GET1: variants seen among roughly 807,000 people sequenced by gnomAD.
GET1 encodes congenital heart disease 5 protein.
GET1 carries 20 observed loss-of-function variants against 22.6 expected under a neutral mutation model. That is an observed-to-expected ratio of 0.89 (90% CI 0.62 to 1.29). The LOEUF (loss-of-function observed/expected upper bound fraction) is 1.29. GET1 is among the 50% of genes most tolerant of loss of function. GET1 has a pLI of 0.00. For synonymous variants in GET1, 92 were observed against 83.8 expected, an observed-to-expected ratio of 1.10 and a Z score of -0.53; for missense variants, 209 against 219.9, an observed-to-expected ratio of 0.95 and a Z score of 0.31.
chr21:39,426,345 C>T (rs979958914), intron 1 of GET1, among the ~76,000 whole-genome samples: 47 of 152,096 alleles, frequency 3.1e-4, no homozygotes, highest in African/African-American at 1.1e-3. Flanking sequence ...ACTTAGAATT[C>T]GAAATGCAAT....
intron 1 of GET1, among the ~76,000 whole-genome samples, chr21:39,382,704 A>G (rs937041801): frequency 5.3e-5 from 8 of 152,218 alleles, no homozygotes; most frequent in African/African-American, 1.9e-4. Flanking sequence ...ACTATTGTAG[A>G]TAATGCTAAA....
intron 1 of GET1, among the ~76,000 whole-genome samples, chr21:39,421,274 G>C (rs1408696452): frequency 1.3e-5 from 2 of 151,998 alleles, no homozygotes; most frequent in Admixed American, 6.6e-5. Flanking sequence ...GATAATTTTT[G>C]TATTTTTAGT....
chr21:39,397,128 T>A lies in GET1; in HGVS notation c.*189T>A, dbSNP rs1026759129. ...AATCACGATTTTCTACACCTGTCAT[T>A]GAGCCAAGAAAGTCCAGTTTATGAC... On this transcript the variant is annotated 3_prime_UTR_variant, in exon 5 of 5. Coordinates refer to ENST00000649170, the MANE Select transcript of GET1 (RefSeq NM_004627.6). 4 of 633,200 alleles carry A rather than the reference T, an allele frequency of 6.3e-6. No homozygotes were observed. The highest frequency in any genetic ancestry group is 1.8e-5 in the African/African-American group (1 of 54,334). 39.2% of individuals were successfully genotyped at this position (633,200 alleles called of 1,614,324 possible). A position where few individuals can be genotyped will look rare whatever the true frequency, so the allele number is the denominator to read the frequency against.
downstream of GET1, among the ~76,000 whole-genome samples, chr21:39,401,487 G>A (rs1191453589): frequency 3.3e-5 from 5 of 152,096 alleles, no homozygotes; most frequent in Admixed American, 1.3e-4. Flanking sequence ...GAACCTTTGC[G>A]ATCCCCACTG....
intron 2 of GET1, chr21:39,391,482 TG>T (rs2038293022): frequency 2.8e-6 from 1 of 363,210 alleles, no homozygotes; most frequent in Non-Finnish European, 5.1e-6. Context: ...TGTTGGTAAG[TG>T]GTAACTGTAT....
chr21:39,387,739 C>T, intron 1 of GET1: 2 of 982,942 alleles, frequency 2.0e-6, no homozygotes, highest in Non-Finnish European at 2.4e-6. Flanking sequence ...TAGGCGGCAT[C>T]ACTGGGCGGG....
chr21:39,425,561 T>C (rs957635205), intron 1 of GET1, among the ~76,000 whole-genome samples: 1 of 152,164 alleles, frequency 6.6e-6, no homozygotes, highest in Non-Finnish European at 1.5e-5. Flanking sequence ...CTCTAGGACA[T>C]CTACTAGAAG....
At chr21:39,410,439 A>G, downstream of GET1, 1 of 787,044 alleles carries the variant, frequency 1.3e-6, no homozygotes, top group Non-Finnish European at 2.1e-6. Flanking sequence ...TAAACATAAA[A>G]TAACTTTTAT....
Position 39,390,727 on chromosome 21 carries a change from G to A in GET1, c.132G>A (p.Glu44=). Residue 44 remains glutamate (E), a synonymous_variant, in exon 2 of 5, where the codon GAG becomes GAA. Transcript: ENST00000649170. ...CCAGGGTGCTGCAGAAGGACGCGGA[G>A]CAGGAGTCACAGATGAGAGCGGAGA... ...FMSRVLQKDA[E]QESQMRAEIQ... 6.2e-7 allele frequency: 1 copy of A among 1,614,180 alleles called. No homozygotes were observed. Among genetic ancestry groups the A allele is most frequent in the Non-Finnish European group, 8.5e-7 (1 of 1,180,034 alleles).
downstream of GET1, among the ~76,000 whole-genome samples, chr21:39,398,758 C>T (rs1210412586): frequency 5.9e-5 from 9 of 151,984 alleles, no homozygotes; most frequent in East Asian, 9.7e-4. Flanking sequence ...GGATTACAGG[C>T]GCCCGCCGTC....
In GET1 at chr21:39,387,959, G is replaced by A. The variant is rs191078523; in HGVS notation, c.103-2739G>A. ...TTTATTAATCTATTTTTAAAATTTC[G>A]AAACAAACACAAATGTGCAGAAAAG... On this transcript the variant is annotated intron_variant, in intron 1 of 4. Coordinates refer to ENST00000649170, the MANE Select transcript of GET1 (RefSeq NM_004627.6). 36 of 644,314 alleles carry A rather than the reference G, an allele frequency of 5.6e-5. No homozygotes were observed. The African/African-American group carries it at 6.3e-4, about 11-fold the overall frequency. 39.9% of individuals were successfully genotyped at this position (644,314 alleles called of 1,614,324 possible).
In GET1 at chr21:39,397,051, T is replaced by G. The variant is rs1301948161; in HGVS notation, c.*112T>G. On this transcript the variant is annotated 3_prime_UTR_variant, in exon 5 of 5. Coordinates refer to ENST00000649170, the MANE Select transcript of GET1 (RefSeq NM_004627.6). ...GAAACAAAAGTGCATAGTTTAGATT[T>G]TTTTTTTGTTGAATATGTTTGTTCT... 9.5e-6 allele frequency: 11 copies of G among 1,153,306 alleles called. No individual in the cohort carries two copies. The highest frequency in any genetic ancestry group is 1.4e-5 in the Non-Finnish European group (11 of 808,316). 71.4% of individuals were successfully genotyped at this position (1,153,306 alleles called of 1,614,324 possible).
intron 1 of GET1, 178 bp downstream of exon 1, chr21:39,380,664 A>C: frequency 2.1e-6 from 3 of 1,415,778 alleles, no homozygotes; most frequent in Admixed American, 2.8e-5. Context: ...GCTTTACCCC[A>C]AAATCAGACT....
chr21:39,407,176 G>A (rs566411268), downstream of GET1, among the ~76,000 whole-genome samples: 127 of 152,336 alleles, frequency 8.3e-4, no homozygotes, highest in African/African-American at 2.7e-3. Flanking sequence ...GCAGTGAGCC[G>A]TGACTGTGCC....
intron 4 of GET1, among the ~76,000 whole-genome samples, chr21:39,395,366 CTATTT>C (rs2038570530): frequency 9.9e-6 from 1 of 101,284 alleles, no homozygotes; most frequent in Admixed American, 1.1e-4. Context: ...AAAGGAATGA[CTATTT>C]TTTTTTTTTT....
At chr21:39,399,991 GGAT>G (rs1387544949), downstream of GET1, among the ~76,000 whole-genome samples, 1 of 151,618 alleles carries the variant, frequency 6.6e-6, no homozygotes, top group Non-Finnish European at 1.5e-5. Flanking sequence ...TCAAGTGCTG[GGAT>G]TACAGGTGTG....
In GET1 at chr21:39,425,541, G is replaced by A. The variant is rs1008983238; in HGVS notation, c.*24-2691G>A. 6.6e-5 allele frequency among the ~76,000 whole-genome samples: 10 copies of A among 152,316 alleles called. No homozygotes were observed. In the East Asian group the frequency reaches 7.7e-4, roughly 12 times the overall value. Reference sequence around the variant, plus strand: ...CTGAGCACAGTAAGTGGAAAGCAGAGCAGGCCAGCCTCTAGGACATCTACT... The same window carrying A: ...CTGAGCACAGTAAGTGGAAAGCAGAACAGGCCAGCCTCTAGGACATCTACT... On this transcript the variant is annotated intron_variant, in intron 1 of 1. Coordinates refer to the GET1 transcript ENST00000478273.
chr21:39,387,276 A>G (rs1230365931), intron 1 of GET1, among the ~76,000 whole-genome samples: 4 of 151,616 alleles, frequency 2.6e-5, no homozygotes, highest in Admixed American at 2.0e-4. Flanking sequence ...GCCTTCACTC[A>G]CCTCCCATTC....
chr21:39,380,410 G>A lies in GET1; in HGVS notation c.26G>A (p.Trp9Ter). 6.2e-7 allele frequency: 1 copy of A among 1,611,492 alleles called. No homozygotes were observed. The highest frequency in any genetic ancestry group is 8.5e-7 in the Non-Finnish European group (1 of 1,178,804). Residue 9 changes from tryptophan to a stop codon, truncating the protein, a stop_gained, in exon 1 of 5, where the codon TGG (tryptophan) becomes TAG (stop). Coordinates refer to ENST00000649170, the MANE Select transcript of GET1 (RefSeq NM_004627.6). LOFTEE classifies it high-confidence loss of function. ...ATGAGCTCAGCCGCGGCCGACCACT[G>A]GGCGTGGTTGCTGGTGCTCAGCTTC... MSSAAADH[W>*]AWLLVLSFVF...
Sources: allele counts gnomAD v4.1 joint callset (sites outside exome capture counted in the v4.1 genomes callset), GRCh38; gene constraint gnomAD v4.1.1; transcripts MANE v1.5; gene names NCBI Gene and HGNC (gene_info 2026-07-23, HGNC 2026-07-21).